The following C1QTNF7 variants were observed in gnomAD, a reference collection of about 807,000 sequenced individuals.
C1QTNF7 encodes the protein C1q and TNF related 7, also known as complement C1q tumor necrosis factor-related protein 7.
C1QTNF7 carries 15 observed loss-of-function variants against 19.6 expected under a neutral mutation model. That is an observed-to-expected ratio of 0.76 (90% CI 0.51 to 1.18). C1QTNF7 has a LOEUF of 1.18. Among genes scored for constraint, C1QTNF7 ranks in the 50% most tolerant of loss-of-function variants. C1QTNF7 has a pLI of 0.00. For synonymous variants in C1QTNF7, 142 were observed against 137.5 expected, an observed-to-expected ratio of 1.03 and a Z score of -0.23; for missense variants, 324 against 359.7, an observed-to-expected ratio of 0.90 and a Z score of 0.80.
chr4:15,406,581 A>G (rs1456673777), intron 1 of C1QTNF7, among the ~76,000 whole-genome samples: 1 of 152,202 alleles, frequency 6.6e-6, no homozygotes, highest in African/African-American at 2.4e-5. Context: ...TAATTGGAAA[A>G]TGATGCACAA....
intron 1 of C1QTNF7, among the ~76,000 whole-genome samples, chr4:15,371,901 C>A (rs1717745017): frequency 6.6e-6 from 1 of 152,032 alleles, no homozygotes; most frequent in African/African-American, 2.4e-5. Context: ...CAATGTCTTG[C>A]CTCCAGGCAA....
At position 15,356,943 on chromosome 4, in the gene C1QTNF7, GTT is replaced by G. The variant is rs199653260; in HGVS notation, c.13+16750_13+16751del. ...CCTTCACACACTTTTTGATAAAGTT[GTT>G]TTTTTTTTTTTTTGTAAATTTGTTT... On this transcript the variant is annotated intron_variant, in intron 1 of 2. Transcript: ENST00000295297. 2.7e-3 allele frequency among the ~76,000 whole-genome samples: 346 copies of G among 126,782 alleles called. 2 individuals are homozygous for G. The highest frequency in any genetic ancestry group is 9.3e-3 in the African/African-American group (320 of 34,480). The allele number at this position is 126,782 out of a possible 152,430, so 83.2% of individuals were successfully genotyped here. A position where few individuals can be genotyped will look rare whatever the true frequency, so the allele number is the denominator to read the frequency against.
chr4:15,380,580 C>A (rs1413193547), intron 1 of C1QTNF7, among the ~76,000 whole-genome samples: 8 of 152,200 alleles, frequency 5.3e-5, no homozygotes, highest in Non-Finnish European at 4.4e-5. Context: ...AATAGGGTTA[C>A]CCCTAGCTGC....
intron 1 of C1QTNF7, among the ~76,000 whole-genome samples, chr4:15,372,383 C>T (rs1717767572): frequency 6.6e-6 from 1 of 152,216 alleles, no homozygotes; most frequent in South Asian, 2.1e-4. Context: ...AGGCAGCCAT[C>T]TGCAAGTCAA....
intron 1 of C1QTNF7, among the ~76,000 whole-genome samples, chr4:15,401,548 G>A (rs1718998049): frequency 1.3e-5 from 2 of 152,148 alleles, no homozygotes. Flanking sequence ...CAAGAGGGGG[G>A]AAACAAGTAG....
chr4:15,340,284 C>A (rs1052096070), intron 1 of C1QTNF7: 2 of 1,471,152 alleles, frequency 1.4e-6, no homozygotes. Context: ...CCTGGGAGAA[C>A]TTAAGAAAGC....
At chr4:15,441,187 T>G (rs1484235132) in intron 2 of C1QTNF7, among the ~76,000 whole-genome samples, 1 of 152,116 alleles carries the variant, frequency 6.6e-6, no homozygotes, top group African/African-American at 2.4e-5. Context: ...ATGCTCTGGC[T>G]CCAGAGTCAG....
intron 1 of C1QTNF7, among the ~76,000 whole-genome samples, chr4:15,399,582 ATT>A (rs1033660806): frequency 6.6e-6 from 1 of 152,222 alleles, no homozygotes; most frequent in Admixed American, 6.5e-5. Flanking sequence ...GTGATGACCC[ATT>A]TAAAGACTTA....
At chr4:15,406,153 T>G (rs1158133625) in intron 1 of C1QTNF7, among the ~76,000 whole-genome samples, 1 of 152,216 alleles carries the variant, frequency 6.6e-6, no homozygotes, top group Non-Finnish European at 1.5e-5. Context: ...TGGCTTGATG[T>G]CTGCCTTCTA....
chr4:15,385,056 T>C (rs1718281652), intron 1 of C1QTNF7, among the ~76,000 whole-genome samples: 1 of 152,226 alleles, frequency 6.6e-6, no homozygotes, highest in African/African-American at 2.4e-5. Flanking sequence ...TCTCTCTTTT[T>C]CTGTCTGTCT....
At chr4:15,354,389 A>G (rs1244840115) in intron 1 of C1QTNF7, among the ~76,000 whole-genome samples, 2 of 152,128 alleles carry the variant, frequency 1.3e-5, no homozygotes, top group Non-Finnish European at 2.9e-5. Flanking sequence ...AGACATGTGG[A>G]AAGCAGACTT....
At chr4:15,380,318 G>T (rs182858567) in intron 1 of C1QTNF7, among the ~76,000 whole-genome samples, 1 of 152,300 alleles carries the variant, frequency 6.6e-6, no homozygotes, top group Admixed American at 6.5e-5. Flanking sequence ...CCAGAGGAAG[G>T]TCTAAGAATG....
intron 1 of C1QTNF7, among the ~76,000 whole-genome samples, chr4:15,397,620 T>A (rs1718834384): frequency 1.3e-5 from 2 of 152,192 alleles, no homozygotes; most frequent in Non-Finnish European, 2.9e-5. Flanking sequence ...GTCATGGCCC[T>A]TATCTTCAAG....
chr4:15,435,517 C>A (rs1401514789), intron 1 of C1QTNF7, among the ~76,000 whole-genome samples: 1 of 152,178 alleles, frequency 6.6e-6, no homozygotes, highest in Non-Finnish European at 1.5e-5. Flanking sequence ...TTCATCTGCA[C>A]CAACTCCCGT....
rs368965095 is a variant in C1QTNF7, at chr4:15,360,382, A to C, written c.13+20175A>C. Among the ~76,000 whole-genome samples, 32 of 152,330 alleles carry C rather than the reference A, an allele frequency of 2.1e-4. No individual in the cohort carries two copies. In the East Asian group the frequency reaches 6.0e-3, roughly 28 times the overall value. On this transcript the variant is annotated intron_variant, in intron 1 of 2. Transcript: ENST00000295297. Reference sequence around the variant, plus strand: ...TATATTTTTGGCAATTGATCATTACATAACCTTGTTTTACGTATGCTTACG... The same window carrying C: ...TATATTTTTGGCAATTGATCATTACCTAACCTTGTTTTACGTATGCTTACG...
intron 1 of C1QTNF7, chr4:15,362,322 T>C (rs924811925): frequency 2.0e-5 from 3 of 152,162 alleles, no homozygotes; most frequent in African/African-American, 7.2e-5. Context: ...AACTTTTGAT[T>C]AGTAAGATTC....
At chr4:15,427,987 G>A (rs185070882), upstream of C1QTNF7, 22 of 972,302 alleles carry the variant, frequency 2.3e-5, no homozygotes, top group African/African-American at 2.1e-4. Flanking sequence ...GGAAATCTTT[G>A]AGAATTTGGA....
At chr4:15,374,483 T>C in intron 1 of C1QTNF7, 1 of 812,642 alleles carries the variant, frequency 1.2e-6, no homozygotes, top group African/African-American at 1.9e-5. Context: ...TTATTTTTGT[T>C]TGTAATGTCG....
In C1QTNF7 at chr4:15,444,046, T is replaced by G. The variant is rs1712897424; in HGVS notation, c.*1247T>G. On this transcript the variant is annotated 3_prime_UTR_variant, in exon 3 of 3. Coordinates refer to ENST00000444304, the MANE Select transcript of C1QTNF7 (RefSeq NM_031911.5). ...GTCAGCACCTTGTTCTTCACTGAACTGCAATTCTTCAATTATTCTCTTCCA... is the reference window on the plus strand; with the variant it reads ...GTCAGCACCTTGTTCTTCACTGAACGGCAATTCTTCAATTATTCTCTTCCA... 6.6e-6 allele frequency: 1 copy of G among 152,334 alleles called. No individual in the cohort carries two copies. The highest frequency in any genetic ancestry group is 2.1e-4 in the South Asian group (1 of 4,828). 9.4% of individuals were successfully genotyped at this position (152,334 alleles called of 1,614,324 possible). A position where few individuals can be genotyped will look rare whatever the true frequency, so the allele number is the denominator to read the frequency against.
Sources: allele counts gnomAD v4.1 joint callset (sites outside exome capture counted in the v4.1 genomes callset), GRCh38; gene constraint gnomAD v4.1.1; transcripts MANE v1.5; gene names NCBI Gene and HGNC (gene_info 2026-07-23, HGNC 2026-07-21).